DIS3L2: variants seen among roughly 807,000 people sequenced by gnomAD.
The protein encoded by DIS3L2 is DIS3 like 3'-5' exoribonuclease 2.
In DIS3L2, 34 loss-of-function variants were observed where a neutral mutation model predicts 97.5. The ratio of observed to expected loss-of-function variants is 0.35; its 90% CI spans 0.27 to 0.46. The LOEUF is 0.46. Among genes scored for constraint, DIS3L2 ranks in the 20% least tolerant of loss-of-function variants. The probability of loss-of-function intolerance (pLI) is 1.00; values close to 1 mark genes in which losing one functional copy is unlikely to be tolerated. For synonymous variants in DIS3L2, 435 were observed against 445.2 expected, an observed-to-expected ratio of 0.98 and a Z score of 0.29; for missense variants, 1,038 against 1,146.0, an observed-to-expected ratio of 0.91 and a Z score of 1.36.
At chr2:232,175,823 T>A (rs1691134998) in intron 9 of DIS3L2, among the ~76,000 whole-genome samples, 1 of 152,154 alleles carries the variant, frequency 6.6e-6, no homozygotes. Flanking sequence ...TAATTCGGTA[T>A]CTTTTTTCTT....
chr2:231,984,553 AT>A (rs780406388), intron 1 of DIS3L2, among the ~76,000 whole-genome samples: 180 of 139,918 alleles, frequency 1.3e-3, no homozygotes, highest in Middle Eastern at 3.6e-3. Context: ...CGCCCGGCTA[AT>A]TTTTTTTTTT....
In DIS3L2 at chr2:232,336,844, C is replaced by T. The variant is rs920095181; in HGVS notation, c.*214C>T. On this transcript the variant is annotated 3_prime_UTR_variant, in exon 21 of 21. Transcript: ENST00000325385. ...GGCTGAGGCCTGGTCAGCAGTGACCCCAGCAGAGCAGGCCCCAGTCCTCCT... is the reference window on the plus strand; with the variant it reads ...GGCTGAGGCCTGGTCAGCAGTGACCTCAGCAGAGCAGGCCCCAGTCCTCCT... The T allele has an allele frequency of 3.4e-5, 48 of 1,391,478 alleles. No homozygotes were observed. The highest frequency in any genetic ancestry group is 4.2e-5 in the Non-Finnish European group (45 of 1,075,788). 86.2% of individuals were successfully genotyped at this position (1,391,478 alleles called of 1,614,324 possible). A position where few individuals can be genotyped will look rare whatever the true frequency, so the allele number is the denominator to read the frequency against.
chr2:232,122,783 G>A (rs554511053), intron 6 of DIS3L2, among the ~76,000 whole-genome samples: 1 of 152,160 alleles, frequency 6.6e-6, no homozygotes, highest in South Asian at 2.1e-4. Context: ...ATTAATAGTA[G>A]CTAACAATTG....
At chr2:232,343,128 G>A in intron 13 of DIS3L2, 1 of 550,380 alleles carries the variant, frequency 1.8e-6, no homozygotes, top group Non-Finnish European at 3.3e-6. Flanking sequence ...GGAAGTAACT[G>A]AAGGCCCCCT....
intron 5 of DIS3L2, among the ~76,000 whole-genome samples, chr2:232,031,533 G>T (rs961679430): frequency 1.3e-5 from 2 of 150,924 alleles, no homozygotes; most frequent in African/African-American, 4.9e-5. Context: ...TAAATTCTGG[G>T]ATACATGTGC....
At chr2:232,343,174 G>T in intron 13 of DIS3L2, 1 of 656,906 alleles carries the variant, frequency 1.5e-6, no homozygotes, top group Admixed American at 2.5e-5. Flanking sequence ...CTGTTGACTA[G>T]CTGCAGGCAA....
rs191853077 is a variant in DIS3L2 at position 232,223,354 on chromosome 2, G to A, written c.1204+12949G>A. Among the ~76,000 whole-genome samples, 8 of 152,272 alleles carry A rather than the reference G, an allele frequency of 5.3e-5. No individual in the cohort carries two copies. The East Asian group carries it at 1.5e-3, about 29-fold the overall frequency. On this transcript the variant is annotated intron_variant, in intron 10 of 20. Coordinates refer to ENST00000325385, the MANE Select transcript of DIS3L2 (RefSeq NM_152383.5). ...CCTCTACTGCATCATGGAAATTTGG[G>A]CATTTCTGTGATTTCTCTGAAATTC... is the stretch of plus-strand genomic sequence containing the variant.
chr2:232,036,824 C>T (rs1430669907), intron 5 of DIS3L2, among the ~76,000 whole-genome samples: 1 of 152,150 alleles, frequency 6.6e-6, no homozygotes, highest in East Asian at 1.9e-4. Flanking sequence ...CACTCCAGAC[C>T]CTGTTTGCTT....
chr2:232,092,214 GATGT>G (rs993103744), intron 6 of DIS3L2, among the ~76,000 whole-genome samples: 14 of 152,086 alleles, frequency 9.2e-5, no homozygotes, highest in Admixed American at 8.5e-4. Flanking sequence ...TGGATGTATG[GATGT>G]ATGTATGGAT....
chr2:232,105,278 G>T (rs926548267), intron 6 of DIS3L2, among the ~76,000 whole-genome samples: 1 of 152,156 alleles, frequency 6.6e-6, no homozygotes, highest in African/African-American at 2.4e-5. Context: ...GAGTAGAATT[G>T]CTGGGTCATA....
intron 9 of DIS3L2, among the ~76,000 whole-genome samples, chr2:232,203,990 G>T (rs1451614330): frequency 6.6e-6 from 1 of 152,170 alleles, no homozygotes; most frequent in Non-Finnish European, 1.5e-5. Flanking sequence ...AAAAGTACAG[G>T]TTGGGGCTGG....
chr2:232,125,637 A>G (rs1698043935), intron 6 of DIS3L2, among the ~76,000 whole-genome samples: 1 of 152,226 alleles, frequency 6.6e-6, no homozygotes, highest in Non-Finnish European at 1.5e-5. Flanking sequence ...ATACATTTTC[A>G]TTAGCTCTAT....
chr2:232,296,998 G>C (rs1194830359), intron 13 of DIS3L2, among the ~76,000 whole-genome samples: 1 of 152,112 alleles, frequency 6.6e-6, no homozygotes, highest in South Asian at 2.1e-4. Context: ...CTAAGTGCTG[G>C]TCACCACAGC....
At chr2:232,215,867 C>T (rs1692318194) in intron 10 of DIS3L2, among the ~76,000 whole-genome samples, 2 of 152,176 alleles carry the variant, frequency 1.3e-5, no homozygotes, top group African/African-American at 4.8e-5. Context: ...TGTGAGAGCC[C>T]TGGGGCTTCT....
At chr2:232,122,234 G>A (rs1441256552) in intron 6 of DIS3L2, among the ~76,000 whole-genome samples, 1 of 152,154 alleles carries the variant, frequency 6.6e-6, no homozygotes, top group Non-Finnish European at 1.5e-5. Context: ...ATTACTGAGT[G>A]CTTACTGTGT....
At position 232,206,339 on chromosome 2, in the gene DIS3L2, CAG is replaced by C. The variant is rs562489560; in HGVS notation, c.1125-3986_1125-3985del. ...CACATTCAGAAACGTTGATCTAAAA[CAG>C]GGGTCAGCAAACTTCCTGTGAAGGG... is the stretch of plus-strand genomic sequence containing the variant. On this transcript the variant is annotated intron_variant, in intron 9 of 20. Coordinates refer to ENST00000325385, the MANE Select transcript of DIS3L2 (RefSeq NM_152383.5). 1.0e-3 allele frequency among the ~76,000 whole-genome samples: 159 copies of C among 152,242 alleles called. 4 individuals carry two copies. Among genetic ancestry groups the C allele is most frequent in the South Asian group, 7.1e-3 (34 of 4,822 alleles).
intron 9 of DIS3L2, among the ~76,000 whole-genome samples, chr2:232,201,344 A>T (rs948730434): frequency 6.6e-6 from 1 of 152,224 alleles, no homozygotes; most frequent in African/African-American, 2.4e-5. Flanking sequence ...AATACAGAGG[A>T]GATGAATTTT....
rs531215523 is a variant in DIS3L2 at position 232,135,872 on chromosome 2, G to T, written c.703-600G>T. On this transcript the variant is annotated intron_variant, in intron 7 of 20. Coordinates refer to ENST00000325385, the MANE Select transcript of DIS3L2 (RefSeq NM_152383.5). ...CACTTCAGGAAGAATGTGTTGAGGA[G>T]GGGGTGGTGAGGGAGAAGACTCACT... 2.0e-5 allele frequency among the ~76,000 whole-genome samples: 3 copies of T among 152,172 alleles called. No homozygotes were observed. The South Asian group carries it at 6.2e-4, about 32-fold the overall frequency.
intron 5 of DIS3L2, among the ~76,000 whole-genome samples, chr2:232,073,973 G>A (rs989040034): frequency 2.0e-5 from 3 of 152,206 alleles, no homozygotes; most frequent in African/African-American, 7.2e-5. Flanking sequence ...TCCCTCTGAG[G>A]TGTTGCCAGA....
Sources: allele counts gnomAD v4.1 joint callset (sites outside exome capture counted in the v4.1 genomes callset), GRCh38; gene constraint gnomAD v4.1.1; transcripts MANE v1.5; gene names NCBI Gene and HGNC (gene_info 2026-07-23, HGNC 2026-07-21).